Variants in ADGRA3 observed in about 807,000 individuals in gnomAD.
ADGRA3 encodes G-protein coupled receptor 125.
ADGRA3 carries 56 observed loss-of-function variants against 119.8 expected under a neutral mutation model. The observed-to-expected ratio is 0.47, with a 90% confidence interval of 0.38 to 0.58. The LOEUF is 0.58. ADGRA3 is among the 20% of genes least tolerant of loss of function. The pLI is 0.00. For missense variants in ADGRA3, 1,516 were observed against 1,649.0 expected (o/e 0.92, Z 1.40); for synonymous variants, 607 against 623.8 (o/e 0.97, Z 0.40).
At chr4:22,492,773 T>C (rs58098085) in intron 1 of ADGRA3, among the ~76,000 whole-genome samples, 2,365 of 152,284 alleles carry the variant, frequency 0.016, 65 homozygotes, top group African/African-American at 0.053. Context: ...TGTAATGAAT[T>C]AGAAAACAAA....
chr4:22,448,052 C>CTAG (rs1716892355), intron 4 of ADGRA3, among the ~76,000 whole-genome samples: 1 of 152,128 alleles, frequency 6.6e-6, no homozygotes, highest in African/African-American at 2.4e-5. Flanking sequence ...CATCAGTTCT[C>CTAG]TAGTCTATCC....
chr4:22,414,430 C>T (rs772092438), intron 12 of ADGRA3: 20 of 463,182 alleles, frequency 4.3e-5, no homozygotes, highest in Non-Finnish European at 7.6e-5. Context: ...TTTCAGATTT[C>T]TTTATTGAGG....
intron 1 of ADGRA3, chr4:22,477,807 ATT>A (rs1718105215): frequency 1.3e-5 from 2 of 152,250 alleles, no homozygotes; most frequent in African/African-American, 4.8e-5. Flanking sequence ...CAGTCTACAC[ATT>A]ATTTGATGTG....
At chr4:22,461,540 T>C (rs752774305) in intron 3 of ADGRA3, among the ~76,000 whole-genome samples, 197 bp downstream of exon 3, 4 of 152,154 alleles carry the variant, frequency 2.6e-5, no homozygotes, top group East Asian at 1.9e-4. Flanking sequence ...CCTCAGGTGA[T>C]CCACCCGCCT....
rs78664576 is a variant in ADGRA3, at chr4:22,505,772, G to C, written c.257+9756C>G. Reference sequence around the variant, plus strand: ...AAGAGCTACAGGGTCACATCTAACCGAGGGGAGGTATGACAGATATTGAAC... The same window carrying C: ...AAGAGCTACAGGGTCACATCTAACCCAGGGGAGGTATGACAGATATTGAAC... On this transcript the variant is annotated intron_variant, in intron 1 of 18. Coordinates refer to ENST00000334304, the MANE Select transcript of ADGRA3 (RefSeq NM_145290.4). Among the ~76,000 whole-genome samples, 1,155 of 152,140 alleles carry C rather than the reference G, an allele frequency of 7.6e-3. 18 individuals are homozygous for C. Among genetic ancestry groups the C allele is most frequent in the East Asian group, 0.065 (334 of 5,166 alleles).
chr4:22,449,568 C>A (rs997097447), intron 4 of ADGRA3, among the ~76,000 whole-genome samples: 3 of 152,054 alleles, frequency 2.0e-5, no homozygotes, highest in African/African-American at 7.2e-5. Flanking sequence ...AAGAATTGGG[C>A]CAGGTGCAGT....
chr4:22,421,125 T>C (rs750149319), intron 11 of ADGRA3, 36 bp from the exon 12 acceptor site: 2 of 1,559,706 alleles, frequency 1.3e-6, no homozygotes, highest in Non-Finnish European at 8.8e-7. Context: ...TATGAACGAT[T>C]TATAGCACAA....
chr4:22,401,407 T>C (rs2109006615), intron 16 of ADGRA3, 24 bp downstream of exon 16: 2 of 1,570,726 alleles, frequency 1.3e-6, no homozygotes, highest in South Asian at 1.2e-5. Flanking sequence ...ATTTTTTCCA[T>C]TTCGGTTTTT....
intron 1 of ADGRA3, among the ~76,000 whole-genome samples, chr4:22,494,159 C>T (rs958123304): frequency 1.2e-4 from 18 of 150,750 alleles, no homozygotes; most frequent in African/African-American, 3.7e-4. Context: ...GAGCCGAGAT[C>T]GCACCACTGC....
At chr4:22,498,359 C>T (rs181530592) in intron 1 of ADGRA3, among the ~76,000 whole-genome samples, 1 of 152,272 alleles carries the variant, frequency 6.6e-6, no homozygotes, top group African/African-American at 2.4e-5. Flanking sequence ...TGGCTCACAC[C>T]TGTAATCCCA....
intron 2 of ADGRA3, among the ~76,000 whole-genome samples, chr4:22,462,464 T>C (rs1425871903): frequency 6.6e-6 from 1 of 152,022 alleles, no homozygotes; most frequent in African/African-American, 2.4e-5. Context: ...CAGGCGCCTG[T>C]CACCATACCC....
At chr4:22,439,886 T>G (rs1716542345) in intron 7 of ADGRA3, among the ~76,000 whole-genome samples, 1 of 152,192 alleles carries the variant, frequency 6.6e-6, no homozygotes, top group African/African-American at 2.4e-5. Context: ...CGATGGTGGT[T>G]TCTATTACTA....
At chr4:22,411,618 T>C (rs1044993978) in intron 14 of ADGRA3, among the ~76,000 whole-genome samples, 15 of 152,000 alleles carry the variant, frequency 9.9e-5, no homozygotes, top group Admixed American at 6.6e-5. Context: ...AAAAAATAAA[T>C]ATAAGTTGAC....
chr4:22,400,686 TTATA>T (rs1714593457), intron 16 of ADGRA3, among the ~76,000 whole-genome samples: 2 of 152,096 alleles, frequency 1.3e-5, no homozygotes, highest in African/African-American at 2.4e-5. Flanking sequence ...AGATCACATG[TTATA>T]TATTTTTTTA....
chr4:22,494,125 A>G (rs978202145), intron 1 of ADGRA3, among the ~76,000 whole-genome samples: 1 of 151,632 alleles, frequency 6.6e-6, no homozygotes, highest in African/African-American at 2.4e-5. Flanking sequence ...GAATTGCTTA[A>G]ACCTGGGAGG....
chr4:22,482,255 T>A (rs972077047), intron 1 of ADGRA3, among the ~76,000 whole-genome samples: 3 of 152,132 alleles, frequency 2.0e-5, no homozygotes, highest in Non-Finnish European at 4.4e-5. Context: ...AGTATAAAAA[T>A]CTTTTCCAAT....
chr4:22,392,517 C>T (rs763905706), intron 17 of ADGRA3, 28 bp downstream of exon 17: 3 of 1,606,998 alleles, frequency 1.9e-6, no homozygotes, highest in Non-Finnish European at 2.5e-6. Context: ...GCAAACAAAA[C>T]AATTAATACA....
chr4:22,392,342 T>C (rs191478449), intron 17 of ADGRA3, among the ~76,000 whole-genome samples: 1 of 152,114 alleles, frequency 6.6e-6, no homozygotes, highest in South Asian at 2.1e-4. Flanking sequence ...TTTGAGATGA[T>C]CTTGGAAGGC....
intron 10 of ADGRA3, among the ~76,000 whole-genome samples, chr4:22,427,674 A>G (rs1345341801): frequency 6.6e-6 from 1 of 152,222 alleles, no homozygotes; most frequent in Non-Finnish European, 1.5e-5. Context: ...AATATGTCAC[A>G]GTGGCAAAAA....
Sources: allele counts gnomAD v4.1 joint callset (sites outside exome capture counted in the v4.1 genomes callset), GRCh38; gene constraint gnomAD v4.1.1; transcripts MANE v1.5; gene names NCBI Gene and HGNC (gene_info 2026-07-23, HGNC 2026-07-21).